The following FHIT variants were observed in gnomAD, a reference collection of about 807,000 sequenced individuals.
FHIT encodes the protein bis(5'-adenosyl)-triphosphatase.
Under a neutral mutation model 17.9 loss-of-function variants are expected in FHIT, and 19 were observed. The observed-to-expected ratio is 1.06, with a 90% CI of 0.74 to 1.56. FHIT has a LOEUF of 1.56. FHIT is among the 40% of genes most tolerant of loss of function. The probability of loss-of-function intolerance (pLI) is 0.00; values close to 1 mark genes in which losing one functional copy is unlikely to be tolerated. For synonymous variants in FHIT, 81 were observed against 69.7 expected, an observed-to-expected ratio of 1.16 and a Z score of -0.81; for missense variants, 248 against 189.2, an observed-to-expected ratio of 1.31 and a Z score of -1.82.
chr3:60,194,703 C>T (rs985838984), intron 5 of FHIT, among the ~76,000 whole-genome samples: 2 of 152,020 alleles, frequency 1.3e-5, no homozygotes, highest in African/African-American at 2.4e-5. Context: ...GACTAATATC[C>T]AGAATCTGCT....
At chr3:60,939,941 G>A (rs1394533959) in intron 3 of FHIT, among the ~76,000 whole-genome samples, 2 of 152,000 alleles carry the variant, frequency 1.3e-5, no homozygotes, top group South Asian at 2.1e-4. Flanking sequence ...ACTCAGAAAC[G>A]TAGCTAAGAA....
chr3:60,503,338 T>C (rs17080828), intron 5 of FHIT, among the ~76,000 whole-genome samples: 8,259 of 152,188 alleles, frequency 0.054, 526 homozygotes, highest in East Asian at 0.29. Flanking sequence ...CATGTGAAAT[T>C]TTATTGTATG....
At chr3:60,173,915 A>ATATATATATATATTTT in intron 5 of FHIT, among the ~76,000 whole-genome samples, 3 of 66,424 alleles carry the variant, frequency 4.5e-5, no homozygotes, top group Non-Finnish European at 8.3e-5. Context: ...ATATATATAT[A>ATATATATATATATTTT]TGTTTTTTTT....
intron 5 of FHIT, among the ~76,000 whole-genome samples, chr3:60,519,094 T>G (rs2035265639): frequency 6.6e-6 from 1 of 152,210 alleles, no homozygotes; most frequent in African/African-American, 2.4e-5. Flanking sequence ...GTTTCTCTTT[T>G]TCAAGAGAAA....
intron 4 of FHIT, among the ~76,000 whole-genome samples, chr3:60,775,963 C>T (rs527836508): frequency 1.4e-3 from 214 of 152,338 alleles, no homozygotes; most frequent in Middle Eastern, 3.4e-3. Context: ...TGAGGTTCTT[C>T]CTCAGGCACT....
Position 61,117,999 on chromosome 3 carries a change from C to T in FHIT, c.-163-75900G>A, listed in dbSNP as rs1037584264. 2.0e-5 allele frequency among the ~76,000 whole-genome samples: 3 copies of T among 152,084 alleles called. 1 individual carries two copies. The stretch of plus-strand genomic sequence containing the variant: ...ATTTTATTAAATACTTTTATTTACT[C>T]ATTGTCTTCTGAAATTACTCTGGGT... On this transcript the variant is annotated intron_variant, in intron 2 of 9. Coordinates refer to ENST00000492590, the MANE Select transcript of FHIT (RefSeq NM_002012.4).
chr3:60,600,271 T>C (rs1451015291), intron 4 of FHIT, among the ~76,000 whole-genome samples: 2 of 152,020 alleles, frequency 1.3e-5, no homozygotes, highest in South Asian at 2.1e-4. Context: ...CTTTTTTCCA[T>C]AAGTTATTCA....
At chr3:60,717,757 GAACTAC>G (rs1559666320) in intron 4 of FHIT, among the ~76,000 whole-genome samples, 5 of 152,130 alleles carry the variant, frequency 3.3e-5, no homozygotes, top group African/African-American at 7.2e-5. Context: ...TGCCATGCTT[GAACTAC>G]CTAATTAGAA....
chr3:61,228,523 C>T (rs2040023317), intron 1 of FHIT, among the ~76,000 whole-genome samples: 1 of 152,134 alleles, frequency 6.6e-6, no homozygotes, highest in East Asian at 1.9e-4. Flanking sequence ...ATGAGGGCTC[C>T]CATGTCACAA....
At chr3:60,562,430 T>A (rs573874983) in intron 4 of FHIT, among the ~76,000 whole-genome samples, 1 of 152,108 alleles carries the variant, frequency 6.6e-6, no homozygotes, top group Non-Finnish European at 1.5e-5. Flanking sequence ...AGGTGGCGTC[T>A]CCAAGAAGAA....
intron 5 of FHIT, among the ~76,000 whole-genome samples, chr3:60,424,115 A>C (rs1320528131): frequency 6.6e-6 from 1 of 152,140 alleles, no homozygotes. Context: ...TAATATCCCT[A>C]CAATGGTGAT....
At chr3:60,115,574 G>A (rs578090175) in intron 5 of FHIT, among the ~76,000 whole-genome samples, 18 of 152,158 alleles carry the variant, frequency 1.2e-4, no homozygotes, top group East Asian at 1.9e-4. Flanking sequence ...TATTCATAGC[G>A]TTCTGGCAAC....
intron 2 of FHIT, among the ~76,000 whole-genome samples, chr3:61,130,456 A>G (rs769580765): frequency 2.6e-5 from 4 of 152,224 alleles, no homozygotes; most frequent in Non-Finnish European, 4.4e-5. Flanking sequence ...ACACCTCCTA[A>G]CAGGGTAAAC....
At chr3:61,116,624 A>C (rs947681282) in intron 2 of FHIT, among the ~76,000 whole-genome samples, 2 of 152,184 alleles carry the variant, frequency 1.3e-5, no homozygotes, top group African/African-American at 4.8e-5. Flanking sequence ...AGAGGTAGTT[A>C]CTATGGTACA....
intron 4 of FHIT, among the ~76,000 whole-genome samples, chr3:60,543,907 C>CTTTTTTTTTTTTGTTTTTTTTT (rs2036270976): frequency 1.9e-5 from 1 of 52,076 alleles, no homozygotes; most frequent in Non-Finnish European, 3.0e-5. Context: ...CCACGCCCGG[C>CTTTTTTTTTTTTGTTTTTTTTT]TTTTTTTTTT....
At chr3:59,997,880 C>T (rs183339739) in intron 7 of FHIT, among the ~76,000 whole-genome samples, 21 of 152,076 alleles carry the variant, frequency 1.4e-4, no homozygotes, top group African/African-American at 4.8e-4. Context: ...TCTGCTGTGG[C>T]TATCTTTTAT....
At chr3:61,130,767 A>T (rs2036740294) in intron 2 of FHIT, among the ~76,000 whole-genome samples, 1 of 152,182 alleles carries the variant, frequency 6.6e-6, no homozygotes. Context: ...TGCATTTACG[A>T]TAACTCTTCT....
intron 5 of FHIT, among the ~76,000 whole-genome samples, chr3:60,053,286 C>T (rs1283843700): frequency 6.6e-6 from 1 of 150,516 alleles, no homozygotes; most frequent in African/African-American, 2.5e-5. Context: ...ATATGTCAGT[C>T]CATAAACATT....
chr3:60,556,434 C>T (rs1192893135), intron 4 of FHIT, among the ~76,000 whole-genome samples: 1 of 152,206 alleles, frequency 6.6e-6, no homozygotes, highest in African/African-American at 2.4e-5. Context: ...TATCCTTTCA[C>T]AGCAACAAGA....
Sources: gnomAD v4.1 joint callset for allele counts (sites outside exome capture counted in the v4.1 genomes callset) on GRCh38, gnomAD v4.1.1 for gene constraint, MANE v1.5 for transcripts, NCBI Gene and HGNC (gene_info 2026-07-23, HGNC 2026-07-21) for gene names.